Variants in PDE4A observed in about 807,000 individuals in gnomAD.
PDE4A encodes 3',5'-cyclic-AMP phosphodiesterase 4A.
Under a neutral mutation model 73.9 loss-of-function variants are expected in PDE4A, and 21 were observed. The ratio of observed to expected loss-of-function variants is 0.28; its 90% confidence interval spans 0.20 to 0.41. The LOEUF (loss-of-function observed/expected upper bound fraction) is 0.41. Among genes scored for constraint, PDE4A ranks in the 10% least tolerant of loss-of-function variants. The pLI is 1.00. For missense variants in PDE4A, 958 were observed against 1,211.4 expected, an observed-to-expected ratio of 0.79 and a Z score of 3.10; for synonymous variants, 463 against 505.4, an observed-to-expected ratio of 0.92 and a Z score of 1.13.
chr19:10,458,244 G>A lies in PDE4A; in HGVS notation c.1101+142G>A. 1 of 743,072 alleles carries A rather than the reference G, an allele frequency of 1.3e-6. No homozygotes were observed. The highest frequency in any genetic ancestry group is 2.7e-5 in the East Asian group (1 of 37,716). 46.0% of individuals were successfully genotyped at this position (743,072 alleles called of 1,614,324 possible). ...AGGGTTTGAGCCCATCTTGAGGCAA[G>A]CATGCTGGCTCTTTGTACCTCTGTA... On this transcript the variant is annotated intron_variant, in intron 8 of 14. Transcript: ENST00000380702. The surrounding 1 kb of genome is among the most constrained non-coding windows in gnomAD (Gnocchi z 4.6).
In PDE4A at chr19:10,446,301, C is replaced by T; in HGVS notation, c.404C>T (p.Ala135Val). The change falls in exon 2 of 15, where the codon GCC (alanine) becomes GTC (valine). Residue 135 changes from alanine (A) to valine (V), a missense_variant. Coordinates refer to ENST00000380702, the MANE Select transcript of PDE4A (RefSeq NM_001111307.2). The part of the protein sequence containing the change: ...SQASPGLVLH[A>V]GAATSQRRES... ...GCGAGCCCAGGACTCGTGCTGCACG[C>T]CGGGGCGGCCACCAGCCAGCGCCGG... 6.2e-7 allele frequency: 1 copy of T among 1,611,890 alleles called. No homozygotes were observed. Among genetic ancestry groups the T allele is most frequent in the South Asian group, 1.1e-5 (1 of 90,772 alleles).
intron 1 of PDE4A, among the ~76,000 whole-genome samples, chr19:10,433,314 G>A (rs1225806312): frequency 6.6e-6 from 1 of 151,724 alleles, no homozygotes; most frequent in Non-Finnish European, 1.5e-5. Flanking sequence ...CCCAGCCCTC[G>A]CACATCCTCG....
intron 1 of PDE4A, among the ~76,000 whole-genome samples, chr19:10,436,049 G>A (rs1156997409): frequency 1.3e-5 from 2 of 152,190 alleles, no homozygotes; most frequent in African/African-American, 4.8e-5. Context: ...TGGTGGATGT[G>A]CCAGGATGTG....
At chr19:10,451,249 C>T (rs181583416) in intron 6 of PDE4A, among the ~76,000 whole-genome samples, 1 of 150,678 alleles carries the variant, frequency 6.6e-6, no homozygotes, top group African/African-American at 2.4e-5. Context: ...GGTATGGGGT[C>T]AGTCCCTGGG....
intron 8 of PDE4A, 114 bp from the exon 9 acceptor site, chr19:10,459,286 A>G (rs1474292544): frequency 6.5e-7 from 1 of 1,549,662 alleles, no homozygotes; most frequent in East Asian, 2.4e-5. Context: ...CCTGTCACCC[A>G]CTGGGTGAGC....
At position 10,433,335 on chromosome 19, in the gene PDE4A, G is replaced by A. The variant is rs527541084; in HGVS notation, c.320+12251G>A. Among the ~76,000 whole-genome samples, 14 of 152,104 alleles carry A rather than the reference G, an allele frequency of 9.2e-5. No individual in the cohort carries two copies. The South Asian group carries it at 1.5e-3, about 16-fold the overall frequency. ...CCTCGCACATCCTCGTCTACACTGC[G>A]TTCCTCCACAGTGGGGGACACTGTA... On this transcript the variant is annotated intron_variant, in intron 1 of 14. Transcript: ENST00000380702.
rs35368894 is a variant in PDE4A, at chr19:10,455,465, C to CA, written c.877+560dup. The stretch of plus-strand genomic sequence containing the variant: ...GGCAACAAGAGTGAAACTCTTGTCT[C>CA]AAAAAAAAAAAAAAAAATATTAGCC... On this transcript the variant is annotated intron_variant, in intron 7 of 14. Coordinates refer to ENST00000380702, the MANE Select transcript of PDE4A (RefSeq NM_001111307.2). 8.9e-3 allele frequency among the ~76,000 whole-genome samples: 1,045 copies of CA among 117,158 alleles called. 10 individuals carry two copies. The highest frequency in any genetic ancestry group is 0.037 in the South Asian group (135 of 3,652). 76.9% of individuals were successfully genotyped at this position (117,158 alleles called of 152,430 possible).
In PDE4A at chr19:10,467,177, G is replaced by T. The variant is rs1187216826; in HGVS notation, c.2217G>T (p.Leu739Phe). Reference protein sequence around the residue: ...TAQEALTAQGLSGVEEALDAT... With the variant: ...TAQEALTAQGFSGVEEALDAT... ...AAGAGGCATTGACTGCGCAGGGATT[G>T]TCAGGAGTCGAGGAAGCTCTGGATG... The change falls in exon 15 of 15, where the codon TTG (leucine) becomes TTT (phenylalanine). Residue 739 changes from leucine (L) to phenylalanine (F), a missense_variant. Coordinates refer to ENST00000380702, the MANE Select transcript of PDE4A (RefSeq NM_001111307.2). 1 of 1,614,146 alleles carries T rather than the reference G, an allele frequency of 6.2e-7. No individual in the cohort carries two copies. Among genetic ancestry groups the T allele is most frequent in the Non-Finnish European group, 8.5e-7 (1 of 1,180,020 alleles).
rs900841948 is a variant in PDE4A at position 10,458,883 on chromosome 19, T to C, written c.1102-517T>C. On this transcript the variant is annotated intron_variant, in intron 8 of 14. Transcript: ENST00000380702. The surrounding 1 kb of genome is among the most constrained non-coding windows in gnomAD (Gnocchi z 4.6). ...ATCCACCCGCCTTAGCCTCACAAAGTGCTGGGATTGCAGGCGTGAGCCACT... is the reference window on the plus strand; with the variant it reads ...ATCCACCCGCCTTAGCCTCACAAAGCGCTGGGATTGCAGGCGTGAGCCACT... The C allele has an allele frequency of 6.4e-6, 1 of 157,368 alleles. No individual in the cohort carries two copies. Among genetic ancestry groups the C allele is most frequent in the African/African-American group, 2.4e-5 (1 of 41,542 alleles). The allele number at this position is 157,368 out of a possible 1,614,324, so 9.7% of individuals were successfully genotyped here. A position where few individuals can be genotyped will look rare whatever the true frequency, so the allele number is the denominator to read the frequency against.
intron 1 of PDE4A, among the ~76,000 whole-genome samples, chr19:10,423,833 A>C (rs2042681469): frequency 6.6e-6 from 1 of 152,204 alleles, no homozygotes; most frequent in African/African-American, 2.4e-5. Context: ...TGCACCCTTC[A>C]GTGTCTGTGC....
At chr19:10,426,003 AAAAAAAAAAAG>A (rs2042713088) in intron 1 of PDE4A, among the ~76,000 whole-genome samples, 1 of 133,222 alleles carries the variant, frequency 7.5e-6, no homozygotes, top group Admixed American at 7.5e-5. Context: ...AAAAAAAAAA[AAAAAAAAAAAG>A]GAAGGAGGGA....
chr19:10,455,852 T>C (rs1490012995), intron 7 of PDE4A, among the ~76,000 whole-genome samples: 2 of 151,758 alleles, frequency 1.3e-5, no homozygotes, highest in Admixed American at 6.6e-5. Flanking sequence ...CAAACTTGGA[T>C]TGACTCCCTT....
At chr19:10,417,964 T>G, upstream of PDE4A, 1 of 1,360,538 alleles carries the variant, frequency 7.4e-7, no homozygotes. Flanking sequence ...CCATGCTCCC[T>G]GCCGTTTGCA....
intron 6 of PDE4A, chr19:10,452,907 C>T: frequency 9.8e-7 from 1 of 1,019,224 alleles, no homozygotes; most frequent in Non-Finnish European, 1.2e-6. Context: ...ATGCAGCCTG[C>T]CAGTGCTGCA....
chr19:10,432,192 A>G (rs796585486), intron 1 of PDE4A, among the ~76,000 whole-genome samples: 775 of 72,858 alleles, frequency 0.011, 15 homozygotes, highest in Non-Finnish European at 0.014. Context: ...GGGGGGGGGG[A>G]AGTGTGCGTC....
intron 6 of PDE4A, 82 bp from the exon 7 acceptor site, chr19:10,454,747 A>G: frequency 6.2e-7 from 1 of 1,601,170 alleles, no homozygotes; most frequent in South Asian, 1.1e-5. Context: ...TGGGGTCTTC[A>G]GGCGTTCTTG....
upstream of PDE4A, chr19:10,417,880 G>T: frequency 6.5e-7 from 1 of 1,545,998 alleles, no homozygotes; most frequent in South Asian, 1.2e-5. Context: ...GTAGGAGAGG[G>T]AGCAGAGTGG....
At chr19:10,432,411 C>G in intron 1 of PDE4A, 1 of 1,391,626 alleles carries the variant, frequency 7.2e-7, no homozygotes, top group East Asian at 3.1e-5. Context: ...CCCATGCGCG[C>G]CCCGACGACG....
intron 1 of PDE4A, among the ~76,000 whole-genome samples, chr19:10,425,964 G>C (rs1385956429): frequency 7.5e-6 from 1 of 132,816 alleles, no homozygotes; most frequent in Admixed American, 8.0e-5. Flanking sequence ...TCCAGTCTGG[G>C]CGAGAGACTG....
Sources: allele counts gnomAD v4.1 joint callset (sites outside exome capture counted in the v4.1 genomes callset), GRCh38; gene constraint gnomAD v4.1.1; non-coding constraint Gnocchi (gnomAD v3.1); transcripts MANE v1.5; gene names NCBI Gene and HGNC (gene_info 2026-07-23, HGNC 2026-07-21).